Variants in ZNF467 observed in about 807,000 individuals in gnomAD.
The protein encoded by ZNF467 is zinc finger protein EZI.
Under a neutral mutation model 47.8 loss-of-function variants are expected in ZNF467, and 51 were observed. The ratio of observed to expected loss-of-function variants is 1.07; its 90% CI spans 0.85 to 1.35. The LOEUF (loss-of-function observed/expected upper bound fraction) is 1.35. Among genes scored for constraint, ZNF467 ranks in the 40% most tolerant of loss-of-function variants. The probability of loss-of-function intolerance (pLI) is 0.00; values close to 1 mark genes in which losing one functional copy is unlikely to be tolerated. For missense variants in ZNF467, 992 were observed against 858.1 expected, an observed-to-expected ratio of 1.16 and a Z score of -1.95; for synonymous variants, 416 against 372.9, an observed-to-expected ratio of 1.12 and a Z score of -1.33.
At position 149,764,259 on chromosome 7, in the gene ZNF467, A is replaced by C. The variant is rs1799066904; in HGVS notation, c.*455T>G. Reference sequence around the variant, plus strand: ...TGGCTAAATGTAACTCACCCAGGACAGAAGGGGAAGTGGAGGGGGGTGGTC... The same window carrying C: ...TGGCTAAATGTAACTCACCCAGGACCGAAGGGGAAGTGGAGGGGGGTGGTC... On this transcript the variant is annotated 3_prime_UTR_variant, in exon 5 of 5. Transcript: ENST00000302017. 3 of 428,156 alleles carry C rather than the reference A, an allele frequency of 7.0e-6. No homozygotes were observed. Among genetic ancestry groups the C allele is most frequent in the Non-Finnish European group, 1.2e-5 (3 of 243,068 alleles). The allele number at this position is 428,156 out of a possible 1,614,324, so 26.5% of individuals were successfully genotyped here.
chr7:149,765,141 G>C lies in ZNF467; in HGVS notation c.1361C>G (p.Thr454Arg), dbSNP rs1398862835. 3 of 1,486,874 alleles carry C rather than the reference G, an allele frequency of 2.0e-6. No individual in the cohort carries two copies. The highest frequency in any genetic ancestry group is 2.7e-6 in the Non-Finnish European group (3 of 1,122,942). The allele number at this position is 1,486,874 out of a possible 1,614,324, so 92.1% of individuals were successfully genotyped here. Residue 454 changes from threonine to arginine, a missense_variant, in exon 5 of 5, where the codon ACG becomes AGG. Thr to Arg is a moderately conservative substitution (Grantham distance 71). Coordinates refer to ENST00000302017, the MANE Select transcript of ZNF467 (RefSeq NM_207336.3). The stretch of plus-strand genomic sequence containing the variant: ...CGTGCAGGCGAAGGGCCGTTCGCCC[G>C]TGTGCACGCGCGGGTGCCGCGCCAG... ...QHLARHPRVH[T>R]GERPFACTQC... is the part of the protein sequence containing the mutation.
chr7:149,765,259 C>G lies in ZNF467; in HGVS notation c.1243G>C (p.Gly415Arg), dbSNP rs918953579. 1.4e-6 allele frequency: 2 copies of G among 1,463,226 alleles called. No homozygotes were observed. Among genetic ancestry groups the G allele is most frequent in the Non-Finnish European group, 9.0e-7 (1 of 1,108,822 alleles). The allele number at this position is 1,463,226 out of a possible 1,614,324, so 90.6% of individuals were successfully genotyped here. A position where few individuals can be genotyped will look rare whatever the true frequency, so the allele number is the denominator to read the frequency against. Residue 415 changes from glycine to arginine, a missense_variant, in exon 5 of 5, where the codon GGA becomes CGA. Coordinates refer to ENST00000302017, the MANE Select transcript of ZNF467 (RefSeq NM_207336.3). ...SAPGGPGCGP[G>R]SDPVVPQRAP... is the part of the protein sequence containing the mutation. ...CGCTGGGGCACCACGGGATCGGATC[C>G]TGGGCCGCAGCCCGGTCCGCCAGGC...
chr7:149,776,178 C>A, upstream of ZNF467: 1 of 1,153,562 alleles, frequency 8.7e-7, no homozygotes, highest in Non-Finnish European at 1.1e-6. Flanking sequence ...ACTCCGTGCC[C>A]CCCACCCCCG....
rs1335063033 is a variant in ZNF467 at position 149,765,371 on chromosome 7, G to A, written c.1131C>T (p.His377=). The A allele has an allele frequency of 4.5e-6, 7 of 1,560,202 alleles. No individual in the cohort carries two copies. The highest frequency in any genetic ancestry group is 4.7e-5 in the East Asian group (2 of 42,422). Residue 377 remains histidine, a synonymous_variant, in exon 5 of 5, where the codon CAC becomes CAT. Coordinates refer to ENST00000302017, the MANE Select transcript of ZNF467 (RefSeq NM_207336.3). ...ACCCAAAGGGGCGACCCTCGCTGCG[G>A]TGCAGACACTGGTGCGTGGCGAGGT... The part of the protein sequence containing the change: ...KKNLATHQCL[H]RSEGRPFGCD...
chr7:149,774,116 G>T (rs953349654), upstream of ZNF467, among the ~76,000 whole-genome samples: 4 of 152,034 alleles, frequency 2.6e-5, no homozygotes, highest in African/African-American at 9.7e-5. The surrounding 1 kb of genome is among the most constrained non-coding windows in gnomAD (Gnocchi z 5.7). Flanking sequence ...CTGCAGAGAG[G>T]GGAGGGCTCT....
In ZNF467 at chr7:149,765,709, T is replaced by C; in HGVS notation, c.793A>G (p.Thr265Ala). 1 of 1,613,444 alleles carries C rather than the reference T, an allele frequency of 6.2e-7. No homozygotes were observed. Among genetic ancestry groups the C allele is most frequent in the Non-Finnish European group, 8.5e-7 (1 of 1,179,816 alleles). The change falls in exon 5 of 5, where the codon ACC becomes GCC. Residue 265 changes from threonine to alanine, a missense_variant. Transcript: ENST00000302017. The stretch of plus-strand genomic sequence containing the variant: ...GGGAAGGGCCGCTCGCCGGTGTGGG[T>C]CTTTTGGTGCGAGCCCAGGTGGATC... The part of the protein sequence containing the change: ...QKIHLGSHQK[T>A]HTGERPFPCT...
At chr7:149,776,333 C>T (rs1465807496), upstream of ZNF467, 1 of 1,357,220 alleles carries the variant, frequency 7.4e-7, no homozygotes, top group African/African-American at 1.5e-5. Flanking sequence ...CTGTGGTTCC[C>T]CATCATGGGC....
At chr7:149,772,945 C>T (rs1028470642) in intron 1 of ZNF467, among the ~76,000 whole-genome samples, 163 bp downstream of exon 1, 4 of 143,590 alleles carry the variant, frequency 2.8e-5, no homozygotes, top group South Asian at 4.6e-4. Context: ...CCCTCCCTTC[C>T]CCCCAGCCCC....
Position 149,766,102 on chromosome 7 carries a change from A to C in ZNF467, c.400T>G (p.Tyr134Asp). The change falls in exon 5 of 5, where the codon TAC (tyrosine) becomes GAC (aspartate). Residue 134 changes from tyrosine (Y) to aspartate (D), a missense_variant. Coordinates refer to ENST00000302017, the MANE Select transcript of ZNF467 (RefSeq NM_207336.3). ...APDLGHLAAA[Y>D]KLEPGAPGAL... Reference sequence around the variant, plus strand: ...CCCGGGGCCCCTGGCTCCAGTTTGTACGCGGCAGCCAGATGCCCCAGGTCA... The same window carrying C: ...CCCGGGGCCCCTGGCTCCAGTTTGTCCGCGGCAGCCAGATGCCCCAGGTCA... 2.5e-6 allele frequency: 4 copies of C among 1,610,006 alleles called. No individual in the cohort carries two copies. The highest frequency in any genetic ancestry group is 3.4e-6 in the Non-Finnish European group (4 of 1,177,610).
Position 149,764,976 on chromosome 7 carries a change from T to C in ZNF467, c.1526A>G (p.His509Arg). Reference protein sequence around the residue: ...KSHLGRHQAVHTGSRPHACAV... With the variant: ...KSHLGRHQAVRTGSRPHACAV... Reference sequence around the variant, plus strand: ...GCAGGCGTGGGGGCGGCTGCCAGTGTGCACCGCCTGGTGGCGGCCCAGGTG... The same window carrying C: ...GCAGGCGTGGGGGCGGCTGCCAGTGCGCACCGCCTGGTGGCGGCCCAGGTG... Residue 509 changes from histidine (H) to arginine (R), a missense_variant, in exon 5 of 5, where the codon CAC (histidine) becomes CGC (arginine). Physicochemically the swap from His to Arg is conservative, Grantham distance 29. Transcript: ENST00000302017. 1.3e-6 allele frequency: 2 copies of C among 1,591,604 alleles called. No homozygotes were observed. Among genetic ancestry groups the C allele is most frequent in the Non-Finnish European group, 1.7e-6 (2 of 1,174,792 alleles).
upstream of ZNF467, chr7:149,776,152 C>T: frequency 1.6e-6 from 2 of 1,266,264 alleles, no homozygotes; most frequent in Non-Finnish European, 1.0e-6. Context: ...TGCCCAGGGA[C>T]CCTCTGGGGC....
At chr7:149,773,964 C>G (rs906011911), upstream of ZNF467, among the ~76,000 whole-genome samples, 2 of 152,236 alleles carry the variant, frequency 1.3e-5, no homozygotes, top group Middle Eastern at 3.4e-3. Flanking sequence ...ACGGGTCCTT[C>G]GAAGTAGAAA....
rs371470735 is a variant in ZNF467 at position 149,764,986 on chromosome 7, G to A, written c.1516C>T (p.Gln506Ter). The change falls in exon 5 of 5, where the codon CAG becomes TAG. Residue 506 changes from glutamine to a stop codon, truncating the protein, a stop_gained. Transcript: ENST00000302017. LOFTEE classifies it high-confidence loss of function. ...FSRKSHLGRH[Q>*]AVHTGSRPHA... is the part of the protein sequence containing the mutation. The stretch of plus-strand genomic sequence containing the variant: ...GGGCGGCTGCCAGTGTGCACCGCCT[G>A]GTGGCGGCCCAGGTGCGACTTGCGG... 2 of 1,591,706 alleles carry A rather than the reference G, an allele frequency of 1.3e-6. No individual in the cohort carries two copies. The highest frequency in any genetic ancestry group is 1.7e-5 in the Admixed American group (1 of 59,196).
At position 149,769,132 on chromosome 7, in the gene ZNF467, C is replaced by G. The variant is rs563045809; in HGVS notation, c.220G>C (p.Ala74Pro). Reference sequence around the variant, plus strand: ...GGCTGAGCCTTCTGTGCTGAGCACGCCTGGCCTCTGCAGGGAGCCTCGGCT... The same window carrying G: ...GGCTGAGCCTTCTGTGCTGAGCACGGCTGGCCTCTGCAGGGAGCCTCGGCT... The part of the protein sequence containing the change: ...EQAEAPCRGQ[A>P]CSAQKAQPVG... The change falls in exon 4 of 5, where the codon GCG becomes CCG. Residue 74 changes from alanine to proline, a missense_variant. Physicochemically the swap from Ala to Pro is conservative, Grantham distance 27. Coordinates refer to ENST00000302017, the MANE Select transcript of ZNF467 (RefSeq NM_207336.3). The surrounding 1 kb of genome is among the most constrained non-coding windows in gnomAD (Gnocchi z 5.3). 1.0e-5 allele frequency: 16 copies of G among 1,561,146 alleles called. No individual in the cohort carries two copies. The African/African-American group carries it at 1.6e-4, about 16-fold the overall frequency.
Position 149,764,923 on chromosome 7 carries a change from T to C in ZNF467, c.1579A>G (p.Lys527Glu). 6.4e-7 allele frequency: 1 copy of C among 1,571,350 alleles called. No homozygotes were observed. Among genetic ancestry groups the C allele is most frequent in the East Asian group, 2.3e-5 (1 of 44,064 alleles). ...CAVCARSFSS[K>E]TNLVRHQAIH... ...GCCTGGTGGCGGACTAGGTTGGTTT[T>C]GGAGCTGAAGCTGCGGGCGCAGACG... The change falls in exon 5 of 5, where the codon AAA (lysine) becomes GAA (glutamate). Residue 527 changes from lysine (K) to glutamate (E), a missense_variant. Physicochemically the swap from Lys to Glu is moderately conservative, Grantham distance 56. Coordinates refer to ENST00000302017, the MANE Select transcript of ZNF467 (RefSeq NM_207336.3).
In ZNF467 at chr7:149,764,766, GC is replaced by G; in HGVS notation, c.1735del (p.Ala579ProfsTer89). The stretch of plus-strand genomic sequence containing the variant: ...CTCGGGGGGAGCGGACCAGGCTGGG[GC>G]CGCAAGGGCGGCGTCCGGGGCCGCG... The part of the protein sequence containing the change: ...AHAAPDAALA[A>X]PAWSAPPEVA... On this transcript the variant is annotated frameshift_variant, in exon 5 of 5. Transcript: ENST00000302017. LOFTEE classifies it high-confidence loss of function. The G allele has an allele frequency of 6.5e-7, 1 of 1,527,308 alleles. No individual in the cohort carries two copies. Among genetic ancestry groups the G allele is most frequent in the Non-Finnish European group, 8.8e-7 (1 of 1,136,966 alleles). The allele number at this position is 1,527,308 out of a possible 1,614,324, so 94.6% of individuals were successfully genotyped here.
chr7:149,776,036 G>C (rs748100944), upstream of ZNF467: 2 of 1,365,424 alleles, frequency 1.5e-6, no homozygotes, highest in South Asian at 2.3e-5. Context: ...TGGGGGTGAG[G>C]GCACCATGCT....
chr7:149,775,392 A>C (rs1435327165), upstream of ZNF467, among the ~76,000 whole-genome samples: 1 of 152,202 alleles, frequency 6.6e-6, no homozygotes, highest in African/African-American at 2.4e-5. Flanking sequence ...CAGTTTGGGC[A>C]AGAGAGGGGC....
upstream of ZNF467, among the ~76,000 whole-genome samples, chr7:149,773,644 G>T: frequency 6.8e-6 from 1 of 146,450 alleles, no homozygotes; most frequent in South Asian, 2.2e-4. Flanking sequence ...GCGCGAACGG[G>T]TGGGGGGGTG....
Sources: allele counts gnomAD v4.1 joint callset (sites outside exome capture counted in the v4.1 genomes callset), GRCh38; gene constraint gnomAD v4.1.1; non-coding constraint Gnocchi (gnomAD v3.1); transcripts MANE v1.5; gene names NCBI Gene and HGNC (gene_info 2026-07-23, HGNC 2026-07-21).